CADM2: variants seen among roughly 807,000 people sequenced by gnomAD.
CADM2 encodes immunoglobulin superfamily member 4D.
In CADM2, 12 loss-of-function variants were observed where a neutral mutation model predicts 49.8. The ratio of observed to expected loss-of-function variants is 0.24; its 90% confidence interval spans 0.15 to 0.39. The LOEUF is 0.39. CADM2 is among the 10% of genes least tolerant of loss of function. CADM2 has a pLI of 1.00. For missense variants in CADM2, 378 were observed against 492.3 expected (o/e 0.77, Z 2.20); for synonymous variants, 214 against 175.4 (o/e 1.22, Z -1.74).
At chr3:85,917,380 A>G (rs1445916136) in intron 6 of CADM2, among the ~76,000 whole-genome samples, 6 of 152,078 alleles carry the variant, frequency 3.9e-5, no homozygotes, top group Non-Finnish European at 8.8e-5. Flanking sequence ...TCAGCTTTCT[A>G]CATATGGCTA....
intron 1 of CADM2, among the ~76,000 whole-genome samples, chr3:85,465,131 C>T (rs934090525): frequency 6.6e-6 from 1 of 152,122 alleles, no homozygotes; most frequent in African/African-American, 2.4e-5. Context: ...GCCTGGGAGA[C>T]AGAACGAGAC....
chr3:85,419,080 A>G (rs376173457), intron 1 of CADM2, among the ~76,000 whole-genome samples: 10 of 152,262 alleles, frequency 6.6e-5, no homozygotes, highest in African/African-American at 2.4e-4. Flanking sequence ...ATGAAGATTC[A>G]TATTTCCACA....
At chr3:85,509,956 A>G (rs2040538157) in intron 1 of CADM2, among the ~76,000 whole-genome samples, 1 of 152,056 alleles carries the variant, frequency 6.6e-6, no homozygotes, top group African/African-American at 2.4e-5. Context: ...AATCATGGTA[A>G]TAATAATTTA....
chr3:85,812,402 A>G (rs1469512478), intron 3 of CADM2, among the ~76,000 whole-genome samples: 1 of 152,102 alleles, frequency 6.6e-6, no homozygotes, highest in East Asian at 1.9e-4. Flanking sequence ...AAAGAGTAAC[A>G]ATGTACTGCA....
At chr3:85,047,659 A>G (rs2035719645) in intron 1 of CADM2, among the ~76,000 whole-genome samples, 1 of 152,170 alleles carries the variant, frequency 6.6e-6, no homozygotes, top group Non-Finnish European at 1.5e-5. Flanking sequence ...TATTTTATGC[A>G]TAAGAAAATG....
intron 3 of CADM2, 91 bp from the exon 4 acceptor site, chr3:85,883,200 C>T: frequency 1.0e-6 from 1 of 978,650 alleles, no homozygotes; most frequent in Non-Finnish European, 1.4e-6. Context: ...CCAAAGAAAA[C>T]ATTTATTGTA....
intron 8 of CADM2, among the ~76,000 whole-genome samples, chr3:85,970,111 A>G (rs901736551): frequency 3.3e-5 from 5 of 151,054 alleles, no homozygotes. Flanking sequence ...GAAAAAAAAA[A>G]AGACGTGTTT....
At chr3:85,188,456 C>T (rs2041118637) in intron 1 of CADM2, among the ~76,000 whole-genome samples, 1 of 151,988 alleles carries the variant, frequency 6.6e-6, no homozygotes, top group African/African-American at 2.4e-5. Context: ...ATAATTATTT[C>T]TGTATTTGCT....
At chr3:86,061,211 T>C (rs1738605896) in intron 8 of CADM2, among the ~76,000 whole-genome samples, 1 of 152,022 alleles carries the variant, frequency 6.6e-6, no homozygotes, top group African/African-American at 2.4e-5. Flanking sequence ...CAAAATGTAT[T>C]TATAAGTTTA....
chr3:85,900,904 T>C (rs776349234), intron 5 of CADM2, among the ~76,000 whole-genome samples: 6 of 152,206 alleles, frequency 3.9e-5, no homozygotes, highest in Admixed American at 3.9e-4. Flanking sequence ...TTGTGGCACA[T>C]AGGAGAAGGT....
chr3:85,659,847 G>C (rs886916201), intron 1 of CADM2, among the ~76,000 whole-genome samples: 1 of 152,184 alleles, frequency 6.6e-6, no homozygotes, highest in East Asian at 1.9e-4. Flanking sequence ...GCCACACTCT[G>C]AGTAGCAATA....
At chr3:85,016,000 T>C (rs1035818582) in intron 1 of CADM2, among the ~76,000 whole-genome samples, 2 of 152,212 alleles carry the variant, frequency 1.3e-5, no homozygotes, top group Non-Finnish European at 2.9e-5. Context: ...GAGGACTTAG[T>C]GCTTCATTTG....
At chr3:85,218,543 A>T (rs2041980347) in intron 1 of CADM2, among the ~76,000 whole-genome samples, 1 of 152,148 alleles carries the variant, frequency 6.6e-6, no homozygotes, top group Non-Finnish European at 1.5e-5. Context: ...CACTCCTGTA[A>T]TCCCAGCACT....
intron 3 of CADM2, among the ~76,000 whole-genome samples, chr3:85,838,134 T>G (rs1414019554): frequency 6.6e-6 from 1 of 151,768 alleles, no homozygotes; most frequent in Non-Finnish European, 1.5e-5. Context: ...TTAATAGTGG[T>G]TAAAGAACCA....
chr3:86,042,160 T>A (rs930935260), intron 8 of CADM2, among the ~76,000 whole-genome samples: 2 of 152,086 alleles, frequency 1.3e-5, no homozygotes, highest in South Asian at 2.1e-4. Flanking sequence ...AACATCACAA[T>A]TAAAAGAACT....
At chr3:85,532,325 G>A (rs1353018950) in intron 1 of CADM2, among the ~76,000 whole-genome samples, 1 of 152,138 alleles carries the variant, frequency 6.6e-6, no homozygotes, top group East Asian at 1.9e-4. Flanking sequence ...TTTTTAAATT[G>A]AGAAAAGCAC....
chr3:85,175,005 C>A (rs2040739733), intron 1 of CADM2, among the ~76,000 whole-genome samples: 1 of 151,920 alleles, frequency 6.6e-6, no homozygotes. Flanking sequence ...TACAAATGGA[C>A]AATAAGTAAG....
intron 1 of CADM2, among the ~76,000 whole-genome samples, chr3:85,363,664 T>G (rs184368840): frequency 6.6e-6 from 1 of 152,350 alleles, no homozygotes; most frequent in East Asian, 1.9e-4. Flanking sequence ...CAGGCTGGAG[T>G]GCAGTGGCTC....
chr3:85,496,381 TTGTA>T (rs1042090087), intron 1 of CADM2, among the ~76,000 whole-genome samples: 3 of 152,224 alleles, frequency 2.0e-5, no homozygotes, highest in African/African-American at 7.2e-5. Context: ...ATTTCATTCT[TTGTA>T]TGGATGCATA....
Sources: allele counts gnomAD v4.1 joint callset (sites outside exome capture counted in the v4.1 genomes callset), GRCh38; gene constraint gnomAD v4.1.1; transcripts MANE v1.5; gene names NCBI Gene and HGNC (gene_info 2026-07-23, HGNC 2026-07-21).